PDE3B: variants seen among roughly 807,000 people sequenced by gnomAD.
PDE3B encodes cGMP-inhibited 3',5'-cyclic phosphodiesterase 3B.
In PDE3B, 66 loss-of-function variants were observed where a neutral mutation model predicts 116.8. The ratio of observed to expected loss-of-function variants is 0.56; its 90% confidence interval spans 0.46 to 0.69. PDE3B has a LOEUF of 0.69. Ranked by LOEUF, PDE3B falls within the 30% of genes least tolerant of loss-of-function variation. The pLI, the probability that PDE3B is intolerant of heterozygous loss-of-function variation, is 0.00. For missense variants in PDE3B, 1,384 were observed against 1,368.1 expected (o/e 1.01, Z -0.18); for synonymous variants, 595 against 533.6 (o/e 1.12, Z -1.59).
chr11:14,849,838 A>T (rs892935716), intron 12 of PDE3B, among the ~76,000 whole-genome samples: 1 of 151,898 alleles, frequency 6.6e-6, no homozygotes, highest in South Asian at 2.1e-4. Flanking sequence ...TCAGGAAACA[A>T]CAGGTGCTGG....
downstream of PDE3B, among the ~76,000 whole-genome samples, chr11:14,872,943 A>G (rs1848158049): frequency 6.6e-6 from 1 of 152,196 alleles, no homozygotes; most frequent in African/African-American, 2.4e-5. Flanking sequence ...TGTATTTTGA[A>G]TGGTTTAAAA....
chr11:14,725,729 A>G (rs1454039402), intron 1 of PDE3B, among the ~76,000 whole-genome samples: 3 of 149,970 alleles, frequency 2.0e-5, no homozygotes, highest in Non-Finnish European at 4.4e-5. Flanking sequence ...GATTACTTCA[A>G]TTATATGCAC....
intron 1 of PDE3B, among the ~76,000 whole-genome samples, chr11:14,760,778 A>T (rs558677267): frequency 9.9e-5 from 15 of 152,252 alleles, no homozygotes; most frequent in Middle Eastern, 3.4e-3. Context: ...TTCTTTTGGA[A>T]CATTAAAAAA....
At chr11:14,676,599 T>C (rs1854538247) in intron 1 of PDE3B, among the ~76,000 whole-genome samples, 1 of 152,198 alleles carries the variant, frequency 6.6e-6, no homozygotes, top group South Asian at 2.1e-4. Flanking sequence ...TACACTATTA[T>C]GGACTTTATA....
chr11:14,697,461 A>T (rs1016897646), intron 1 of PDE3B, among the ~76,000 whole-genome samples: 6 of 151,972 alleles, frequency 3.9e-5, no homozygotes, highest in African/African-American at 1.4e-4. Context: ...TGGTCTATTT[A>T]TGCATTCTTT....
chr11:14,877,691 G>T, the PDE3B span: 1 of 156,420 alleles, frequency 6.4e-6, no homozygotes, highest in Non-Finnish European at 1.4e-5. Context: ...TTCTTCTGTA[G>T]TCCTCTATTA....
chr11:14,786,415 A>T lies in PDE3B; in HGVS notation c.1030-22A>T, dbSNP rs569326151. 16 of 1,596,846 alleles carry T rather than the reference A, an allele frequency of 1.0e-5. No individual in the cohort carries two copies. In the African/African-American group the frequency reaches 1.9e-4, roughly 19 times the overall value. Reference sequence around the variant, plus strand: ...TTATGCCATGTACAAATGAATGAAAATTTCACTTTTTTTCTTTCTAGAATT... The same window carrying T: ...TTATGCCATGTACAAATGAATGAAATTTTCACTTTTTTTCTTTCTAGAATT... On this transcript the variant is annotated intron_variant, in intron 2 of 15. Coordinates refer to ENST00000282096, the MANE Select transcript of PDE3B (RefSeq NM_000922.4).
chr11:14,814,531 A>T (rs1859254649), intron 5 of PDE3B, among the ~76,000 whole-genome samples: 1 of 152,206 alleles, frequency 6.6e-6, no homozygotes, highest in Admixed American at 6.5e-5. Flanking sequence ...GATAAATTTA[A>T]TAAAAAATAT....
chr11:14,664,580 G>C (rs1329426878), intron 1 of PDE3B, among the ~76,000 whole-genome samples: 1 of 151,990 alleles, frequency 6.6e-6, no homozygotes, highest in Non-Finnish European at 1.5e-5. Flanking sequence ...AATGATAAAG[G>C]GGATATCACC....
chr11:14,831,919 A>G, intron 9 of PDE3B, 142 bp downstream of exon 9: 1 of 522,498 alleles, frequency 1.9e-6, no homozygotes, highest in Non-Finnish European at 3.4e-6. Context: ...AAATAAATAT[A>G]TACATAAAAC....
At chr11:14,667,994 G>A (rs1854232272) in intron 1 of PDE3B, among the ~76,000 whole-genome samples, 1 of 148,720 alleles carries the variant, frequency 6.7e-6, no homozygotes, top group African/African-American at 2.5e-5. Context: ...ATTATAAAAA[G>A]AAATACATTT....
intron 12 of PDE3B, among the ~76,000 whole-genome samples, chr11:14,844,409 G>A (rs1430686566): frequency 2.0e-5 from 3 of 152,342 alleles, no homozygotes; most frequent in South Asian, 2.1e-4. Flanking sequence ...CGTGAGTGAC[G>A]CAGAAGACGG....
chr11:14,681,703 T>C (rs1241088543), intron 1 of PDE3B, among the ~76,000 whole-genome samples: 1 of 152,232 alleles, frequency 6.6e-6, no homozygotes, highest in Non-Finnish European at 1.5e-5. Flanking sequence ...TTCCAGTTGC[T>C]CTTTGCTAGT....
At chr11:14,822,256 A>G (rs556114431) in intron 7 of PDE3B, among the ~76,000 whole-genome samples, 11 of 152,192 alleles carry the variant, frequency 7.2e-5, no homozygotes, top group Non-Finnish European at 1.6e-4. Context: ...AGCTTATAGC[A>G]TGTAATTATC....
intron 5 of PDE3B, among the ~76,000 whole-genome samples, chr11:14,804,996 A>C (rs963395987): frequency 6.6e-6 from 1 of 152,330 alleles, no homozygotes; most frequent in East Asian, 1.9e-4. Flanking sequence ...GGAAAAATAC[A>C]TAAATAACAG....
At chr11:14,862,764 G>C (rs1555007425) in intron 14 of PDE3B, among the ~76,000 whole-genome samples, 1 of 152,108 alleles carries the variant, frequency 6.6e-6, no homozygotes, top group Non-Finnish European at 1.5e-5. Flanking sequence ...AGTAGAGATG[G>C]GGTTTCACCA....
At chr11:14,650,799 A>G (rs1348238874) in intron 1 of PDE3B, among the ~76,000 whole-genome samples, 3 of 152,140 alleles carry the variant, frequency 2.0e-5, no homozygotes, top group Non-Finnish European at 2.9e-5. Context: ...CCCTGAGCCA[A>G]GGAAAGCAGG....
chr11:14,844,963 C>T (rs1401673205), intron 12 of PDE3B, among the ~76,000 whole-genome samples: 2 of 152,352 alleles, frequency 1.3e-5, no homozygotes, highest in East Asian at 3.9e-4. Flanking sequence ...ATGTCCCCGT[C>T]TGACAGCTTT....
the PDE3B span, among the ~76,000 whole-genome samples, chr11:14,882,990 C>G: frequency 6.6e-6 from 1 of 152,094 alleles, no homozygotes; most frequent in Non-Finnish European, 1.5e-5. Flanking sequence ...TGTGAAGGAC[C>G]TCTTCAAGGA....
Sources: allele counts gnomAD v4.1 joint callset (sites outside exome capture counted in the v4.1 genomes callset), GRCh38; gene constraint gnomAD v4.1.1; transcripts MANE v1.5; gene names NCBI Gene and HGNC (gene_info 2026-07-23, HGNC 2026-07-21).